The following CDC123 variants were observed in gnomAD, a reference collection of about 807,000 sequenced individuals.
The protein encoded by CDC123 is translation initiation factor eIF2 assembly protein.
CDC123 carries 37 observed loss-of-function variants against 54.4 expected under a neutral mutation model. That is an observed-to-expected ratio of 0.68 (90% CI 0.52 to 0.89). CDC123 has a LOEUF of 0.89. CDC123 is among the 40% of genes least tolerant of loss of function. CDC123 has a pLI of 0.00. For missense variants in CDC123, 361 were observed against 412.1 expected (o/e 0.88, Z 1.07); for synonymous variants, 144 against 136.8 (o/e 1.05, Z -0.37).
At chr10:12,199,272 T>A (rs1369447031) in intron 2 of CDC123, among the ~76,000 whole-genome samples, 1 of 152,210 alleles carries the variant, frequency 6.6e-6, no homozygotes, top group Non-Finnish European at 1.5e-5. Flanking sequence ...GTCTTTTGGA[T>A]GCAAACTTGA....
In CDC123 at chr10:12,237,019, C is replaced by T. The variant is rs1049288204; in HGVS notation, c.566-125C>T. ...CTTACAGCTGGGTCGTGTGTAATGCCGTACCCATCAGGGTGATCTTCTAAT... is the reference window on the plus strand; with the variant it reads ...CTTACAGCTGGGTCGTGTGTAATGCTGTACCCATCAGGGTGATCTTCTAAT... On this transcript the variant is annotated intron_variant, in intron 8 of 12. Coordinates refer to ENST00000281141, the MANE Select transcript of CDC123 (RefSeq NM_006023.3). 9.5e-6 allele frequency: 11 copies of T among 1,158,512 alleles called. No homozygotes were observed. The Admixed American group carries it at 9.9e-5, about 10-fold the overall frequency. The allele number at this position is 1,158,512 out of a possible 1,614,324, so 71.8% of individuals were successfully genotyped here.
At chr10:12,222,668 T>C (rs1835752826) in intron 6 of CDC123, among the ~76,000 whole-genome samples, 1 of 152,206 alleles carries the variant, frequency 6.6e-6, no homozygotes, top group Admixed American at 6.5e-5. Context: ...AAAAAATAAA[T>C]TTGTTAATTG....
intron 6 of CDC123, among the ~76,000 whole-genome samples, chr10:12,230,207 T>G (rs1835881064): frequency 6.6e-6 from 1 of 152,060 alleles, no homozygotes; most frequent in South Asian, 2.1e-4. Context: ...GGGTTTTTTT[T>G]TTTGAGATGG....
chr10:12,216,361 A>G (rs1340370895), intron 5 of CDC123, among the ~76,000 whole-genome samples: 1 of 152,230 alleles, frequency 6.6e-6, no homozygotes, highest in African/African-American at 2.4e-5. Context: ...AAGCTTATTT[A>G]AGGAATCAGA....
chr10:12,196,917 A>G (rs911587438), intron 1 of CDC123, among the ~76,000 whole-genome samples: 3 of 152,338 alleles, frequency 2.0e-5, no homozygotes, highest in South Asian at 4.1e-4. Flanking sequence ...TAATATATAC[A>G]ATTTCATCTC....
intron 10 of CDC123, chr10:12,245,920 A>T (rs1836128196): frequency 2.6e-6 from 1 of 383,242 alleles, no homozygotes; most frequent in Non-Finnish European, 4.7e-6. Context: ...AAATACAAAA[A>T]TTAGCTGCAT....
chr10:12,249,885 C>T (rs1180463806), intron 12 of CDC123, 167 bp downstream of exon 12: 7 of 853,216 alleles, frequency 8.2e-6, no homozygotes, highest in Non-Finnish European at 1.2e-5. Context: ...GAAATAGGAG[C>T]TGAAGGCATA....
intron 6 of CDC123, among the ~76,000 whole-genome samples, chr10:12,226,000 A>C (rs571790203): frequency 6.6e-6 from 1 of 151,858 alleles, no homozygotes; most frequent in Non-Finnish European, 1.5e-5. Flanking sequence ...CTGTTTAACA[A>C]AGCACATCTT....
At chr10:12,224,741 AC>A (rs1380922863) in intron 6 of CDC123, among the ~76,000 whole-genome samples, 1 of 152,168 alleles carries the variant, frequency 6.6e-6, no homozygotes, top group Non-Finnish European at 1.5e-5. Flanking sequence ...TTAAATAGTA[AC>A]CCAGGAAAAA....
chr10:12,231,104 G>A, intron 7 of CDC123, 108 bp downstream of exon 7: 6 of 981,724 alleles, frequency 6.1e-6, no homozygotes, highest in Non-Finnish European at 9.1e-6. Context: ...AATTTCTTCG[G>A]GAACCTAAAG....
chr10:12,221,088 T>C (rs571933937), intron 6 of CDC123, among the ~76,000 whole-genome samples: 1 of 151,282 alleles, frequency 6.6e-6, no homozygotes, highest in South Asian at 2.1e-4. Flanking sequence ...TAAATTTATA[T>C]AACATAAAAA....
At chr10:12,243,816 G>A (rs77611247) in intron 10 of CDC123, among the ~76,000 whole-genome samples, 5,614 of 151,614 alleles carry the variant, frequency 0.037, 129 homozygotes, top group African/African-American at 0.039. Flanking sequence ...AAGTAGAAAA[G>A]ATTTGGAGGT....
In CDC123 at chr10:12,250,358, A is replaced by G. The variant is rs1367817352; in HGVS notation, c.*21A>G. 9.4e-6 allele frequency: 15 copies of G among 1,590,070 alleles called. No homozygotes were observed. The highest frequency in any genetic ancestry group is 1.7e-5 in the Admixed American group (1 of 59,712). On this transcript the variant is annotated 3_prime_UTR_variant, in exon 13 of 13. Transcript: ENST00000281141. ...ACTGATGAGCGTACTGGAACTGGAG[A>G]AGAGGAGGCCCCGCCCCACCGCTCC...
At chr10:12,201,802 G>A (rs147927843) in intron 2 of CDC123, among the ~76,000 whole-genome samples, 106 of 152,260 alleles carry the variant, frequency 7.0e-4, no homozygotes, top group Non-Finnish European at 1.3e-3. Flanking sequence ...ATGGAAGACG[G>A]GTTAGGAGGA....
intron 11 of CDC123, chr10:12,246,958 GTCC>G (rs1277185822): frequency 2.2e-5 from 3 of 134,354 alleles, no homozygotes; most frequent in African/African-American, 8.8e-5. Context: ...AGGACACTGT[GTCC>G]TCCTCTCTCT....
At chr10:12,237,498 G>C (rs1564257533) in intron 9 of CDC123, 1 of 230,478 alleles carries the variant, frequency 4.3e-6, no homozygotes. Flanking sequence ...GCAGTGGTGC[G>C]ATCGCGGCTC....
intron 10 of CDC123, among the ~76,000 whole-genome samples, chr10:12,241,238 A>G (rs1836053702): frequency 6.6e-6 from 1 of 151,764 alleles, no homozygotes; most frequent in Non-Finnish European, 1.5e-5. Context: ...TGTCTTTTTC[A>G]CTTTTTTCTA....
Position 12,217,361 on chromosome 10 carries a change from G to C in CDC123, c.334G>C (p.Asp112His). ...FPKLNWSAPR[D>H]AYWIAMNSSL... ...AAATAGCATGTGCTTCATTCTTTAG[G>C]ATGCGTATTGGATAGCAATGAATAG... is the stretch of plus-strand genomic sequence containing the variant. The change falls in exon 6 of 13, where the codon GAT becomes CAT. Residue 112 changes from aspartate (D) to histidine (H), a missense_variant and splice_region_variant. Asp to His is a moderately conservative substitution (Grantham distance 81). Coordinates refer to ENST00000281141, the MANE Select transcript of CDC123 (RefSeq NM_006023.3). 1 of 1,610,600 alleles carries C rather than the reference G, an allele frequency of 6.2e-7. No homozygotes were observed. The highest frequency in any genetic ancestry group is 1.3e-5 in the African/African-American group (1 of 74,956).
chr10:12,221,632 CT>C (rs1835737942), intron 6 of CDC123, among the ~76,000 whole-genome samples: 1 of 151,966 alleles, frequency 6.6e-6, no homozygotes, highest in African/African-American at 2.4e-5. Context: ...CCCGGGATGG[CT>C]TTGAATGTGC....
Sources: allele counts gnomAD v4.1 joint callset (sites outside exome capture counted in the v4.1 genomes callset), GRCh38; gene constraint gnomAD v4.1.1; transcripts MANE v1.5; gene names NCBI Gene and HGNC (gene_info 2026-07-23, HGNC 2026-07-21).